PDSS2: variants seen among roughly 807,000 people sequenced by gnomAD.
PDSS2 encodes all trans-polyprenyl-diphosphate synthase PDSS2.
Under a neutral mutation model 44.5 loss-of-function variants are expected in PDSS2, and 31 were observed. The ratio of observed to expected loss-of-function variants is 0.70; its 90% confidence interval spans 0.52 to 0.94. The LOEUF (loss-of-function observed/expected upper bound fraction) is 0.94. Ranked by LOEUF, PDSS2 falls within the 40% of genes least tolerant of loss-of-function variation. PDSS2 has a pLI of 0.00. For missense variants in PDSS2, 452 were observed against 482.2 expected, an observed-to-expected ratio of 0.94 and a Z score of 0.59; for synonymous variants, 157 against 180.3, an observed-to-expected ratio of 0.87 and a Z score of 1.03.
In PDSS2 at chr6:107,359,421, G is replaced by A. The variant is rs1372125128; in HGVS notation, c.297-25089C>T. 4.0e-5 allele frequency among the ~76,000 whole-genome samples: 6 copies of A among 151,692 alleles called. No homozygotes were observed. In the East Asian group the frequency reaches 7.9e-4, roughly 20 times the overall value. On this transcript the variant is annotated intron_variant, in intron 1 of 7. Transcript: ENST00000369037. The stretch of plus-strand genomic sequence containing the variant: ...GTGGATCACTTGAGGCCAGGAGTTC[G>A]AGACCAGCCTTGCCAACATGGTGAA...
At chr6:107,387,576 A>T (rs1030515473) in intron 1 of PDSS2, among the ~76,000 whole-genome samples, 1 of 152,262 alleles carries the variant, frequency 6.6e-6, no homozygotes, top group Non-Finnish European at 1.5e-5. Flanking sequence ...CAAAGGTATA[A>T]CTGAAATATC....
rs78763645 is a variant in PDSS2, at chr6:107,445,575, C to G, written c.296+13415G>C. Among the ~76,000 whole-genome samples the G allele has an allele frequency of 8.9e-3, 1,351 of 152,272 alleles. 51 individuals carry two copies. In the East Asian group the frequency reaches 0.12, roughly 13 times the overall value. The stretch of plus-strand genomic sequence containing the variant: ...AGACTATAAATAGCCTCACATCAAT[C>G]CAGGTCAGATGTGTAAGTCTAAAAA... On this transcript the variant is annotated intron_variant, in intron 1 of 7. Coordinates refer to ENST00000369037, the MANE Select transcript of PDSS2 (RefSeq NM_020381.4).
In PDSS2 at chr6:107,429,959, A is replaced by G. The variant is rs116293622; in HGVS notation, c.296+29031T>C. ...ATATACACCAAACCCAGAAAGAAAG[A>G]TTTTGGGAGATCTGTCATCCCCAAA... On this transcript the variant is annotated intron_variant, in intron 1 of 7. Transcript: ENST00000369037. Among the ~76,000 whole-genome samples, 511 of 137,370 alleles carry G rather than the reference A, an allele frequency of 3.7e-3. 3 individuals carry two copies. The highest frequency in any genetic ancestry group is 0.013 in the African/African-American group (487 of 38,032). 90.1% of individuals were successfully genotyped at this position (137,370 alleles called of 152,430 possible). A position where few individuals can be genotyped will look rare whatever the true frequency, so the allele number is the denominator to read the frequency against.
intron 1 of PDSS2, among the ~76,000 whole-genome samples, chr6:107,456,618 C>T (rs1237524042): frequency 1.3e-5 from 2 of 152,180 alleles, no homozygotes; most frequent in Non-Finnish European, 2.9e-5. Flanking sequence ...GGCACAATCA[C>T]GGCTCACAAC....
At chr6:107,200,003 T>A (rs1464594050) in intron 6 of PDSS2, among the ~76,000 whole-genome samples, 2 of 152,178 alleles carry the variant, frequency 1.3e-5, no homozygotes, top group South Asian at 2.1e-4. Flanking sequence ...AATGATTTCA[T>A]GAAAATTAAC....
Position 107,225,149 on chromosome 6 carries a change from ATATATATATATATTTTTTTTT to A in PDSS2, c.703-12888_703-12868del, listed in dbSNP as rs1773755813. 3.6e-5 allele frequency among the ~76,000 whole-genome samples: 2 copies of A among 55,412 alleles called. 1 individual carries two copies. Among genetic ancestry groups the A allele is most frequent in the African/African-American group, 2.9e-4 (2 of 6,996 alleles). The allele number at this position is 55,412 out of a possible 152,430, so 36.4% of individuals were successfully genotyped here. ...TATATATATATTTTTATATATATAT[ATATATATATATATTTTTTTTT>A]TTTTTTTTTTTTTTTTTTTGAGACA... On this transcript the variant is annotated intron_variant, in intron 4 of 7. Transcript: ENST00000369037.
intron 4 of PDSS2, among the ~76,000 whole-genome samples, chr6:107,236,296 A>G (rs1774220367): frequency 1.3e-5 from 2 of 152,178 alleles, no homozygotes; most frequent in South Asian, 4.1e-4. Context: ...TTTCAGACAC[A>G]CAAAAGCTAA....
rs886060923 is a variant in PDSS2 at position 107,154,479 on chromosome 6, G to A, written c.*140C>T. 7 of 790,382 alleles carry A rather than the reference G, an allele frequency of 8.9e-6. No homozygotes were observed. Among genetic ancestry groups the A allele is most frequent in the Non-Finnish European group, 1.5e-5 (7 of 476,984 alleles). 49.0% of individuals were successfully genotyped at this position (790,382 alleles called of 1,614,324 possible). On this transcript the variant is annotated 3_prime_UTR_variant, in exon 8 of 8. Coordinates refer to ENST00000369037, the MANE Select transcript of PDSS2 (RefSeq NM_020381.4). ...TTGTAGCAGTTCCAAAAAGAAAGCA[G>A]AACTCATTTAGCAATGTGATAAAAG...
intron 4 of PDSS2, 45 bp downstream of exon 4, chr6:107,245,503 A>T (rs1047266569): frequency 2.8e-5 from 29 of 1,035,906 alleles, no homozygotes; most frequent in Non-Finnish European, 3.9e-5. Flanking sequence ...TAGTTGTACC[A>T]CGACGGTTTA....
At chr6:107,439,481 TC>T (rs1781452705) in intron 1 of PDSS2, among the ~76,000 whole-genome samples, 1 of 152,136 alleles carries the variant, frequency 6.6e-6, no homozygotes, top group South Asian at 2.1e-4. Context: ...ATGCCACCTC[TC>T]CCTCAAACTA....
chr6:107,388,671 G>A (rs1304721019), intron 1 of PDSS2, among the ~76,000 whole-genome samples: 1 of 152,114 alleles, frequency 6.6e-6, no homozygotes, highest in Non-Finnish European at 1.5e-5. Context: ...TGTTAGCCAG[G>A]ATGGTCTCCA....
At chr6:107,318,709 G>T (rs1471606196) in intron 2 of PDSS2, among the ~76,000 whole-genome samples, 6 of 152,066 alleles carry the variant, frequency 3.9e-5, no homozygotes, top group Non-Finnish European at 8.8e-5. Flanking sequence ...TCATCGGCCG[G>T]GCACGGTGGC....
At chr6:107,226,993 T>A (rs1024078523) in intron 4 of PDSS2, among the ~76,000 whole-genome samples, 1 of 149,202 alleles carries the variant, frequency 6.7e-6, no homozygotes, top group Admixed American at 6.7e-5. Context: ...GCCTTTTTTT[T>A]AATTACTTTT....
At chr6:107,233,130 T>TGATTCATTTCTACTGTATCTTCTAAG (rs1366254001) in intron 4 of PDSS2, among the ~76,000 whole-genome samples, 5 of 152,220 alleles carry the variant, frequency 3.3e-5, no homozygotes, top group African/African-American at 1.2e-4. Context: ...TAGTTTCTAT[T>TGATTCATTTCTACTGTATCTTCTAAG]GATTCATTTC....
chr6:107,330,854 C>T (rs745415626), intron 2 of PDSS2, among the ~76,000 whole-genome samples: 8 of 152,066 alleles, frequency 5.3e-5, no homozygotes, highest in African/African-American at 1.4e-4. Context: ...CTTTCTTGCC[C>T]GATTTTCAAA....
chr6:107,386,638 C>T (rs1426961976), intron 1 of PDSS2, among the ~76,000 whole-genome samples: 4 of 152,260 alleles, frequency 2.6e-5, no homozygotes, highest in East Asian at 1.9e-4. Flanking sequence ...TAGGGCCAAT[C>T]GAAGTTAAAT....
chr6:107,161,235 C>T (rs71574237), intron 7 of PDSS2, among the ~76,000 whole-genome samples: 40,827 of 151,306 alleles, frequency 0.27, 6,864 homozygotes, highest in Non-Finnish European at 0.37. Flanking sequence ...AATCCCAGAA[C>T]TTTGGGAAGC....
Position 107,441,732 on chromosome 6 carries a change from C to T in PDSS2, c.296+17258G>A, listed in dbSNP as rs546650649. Among the ~76,000 whole-genome samples, 24 of 152,208 alleles carry T rather than the reference C, an allele frequency of 1.6e-4. No homozygotes were observed. The South Asian group carries it at 4.4e-3, about 28-fold the overall frequency. ...AGGGTGCCCTGCTCAGAATCCATTCCCCTTTTGGCCTGTAACACATTTCAC... is the reference window on the plus strand; with the variant it reads ...AGGGTGCCCTGCTCAGAATCCATTCTCCTTTTGGCCTGTAACACATTTCAC... On this transcript the variant is annotated intron_variant, in intron 1 of 7. Coordinates refer to ENST00000369037, the MANE Select transcript of PDSS2 (RefSeq NM_020381.4).
chr6:107,383,287 A>T (rs1779508026), intron 1 of PDSS2, among the ~76,000 whole-genome samples: 1 of 122,468 alleles, frequency 8.2e-6, no homozygotes, highest in African/African-American at 3.3e-5. Flanking sequence ...TGACAGAGTG[A>T]GACTCCATCT....
Sources: gnomAD v4.1 joint callset for allele counts (sites outside exome capture counted in the v4.1 genomes callset) on GRCh38, gnomAD v4.1.1 for gene constraint, MANE v1.5 for transcripts, NCBI Gene and HGNC (gene_info 2026-07-23, HGNC 2026-07-21) for gene names.